Variants in SLCO5A1 observed in about 807,000 individuals in gnomAD.
SLCO5A1 encodes organic anion transporter polypeptide-related protein 4.
A neutral mutation model predicts 65.1 loss-of-function variants in SLCO5A1; 39 were observed. The ratio of observed to expected loss-of-function variants is 0.60; its 90% confidence interval spans 0.46 to 0.78. The LOEUF is 0.78. Ranked by LOEUF, SLCO5A1 falls within the 30% of genes least tolerant of loss-of-function variation. SLCO5A1 has a pLI of 0.00. For missense variants in SLCO5A1, 1,029 were observed against 1,069.4 expected, an observed-to-expected ratio of 0.96 and a Z score of 0.53; for synonymous variants, 438 against 415.7, an observed-to-expected ratio of 1.05 and a Z score of -0.65.
At chr8:69,799,241 T>C (rs1276344487) in intron 2 of SLCO5A1, among the ~76,000 whole-genome samples, 3 of 152,212 alleles carry the variant, frequency 2.0e-5, no homozygotes, top group Non-Finnish European at 4.4e-5. Context: ...AAAAGAATTC[T>C]CATCTGGTAC....
At chr8:69,801,171 C>T (rs2130903081) in intron 2 of SLCO5A1, among the ~76,000 whole-genome samples, 1 of 152,292 alleles carries the variant, frequency 6.6e-6, no homozygotes, top group African/African-American at 2.4e-5. Flanking sequence ...ATCCTAAGTC[C>T]TCAGAACCCT....
intron 5 of SLCO5A1, among the ~76,000 whole-genome samples, chr8:69,736,255 C>T (rs564754142): frequency 6.6e-5 from 10 of 152,356 alleles, no homozygotes; most frequent in African/African-American, 2.2e-4. Flanking sequence ...AGTCTGCAGC[C>T]GTCACCCCAG....
intron 2 of SLCO5A1, among the ~76,000 whole-genome samples, chr8:69,787,591 A>G (rs1819087757): frequency 6.6e-6 from 1 of 152,240 alleles, no homozygotes; most frequent in Non-Finnish European, 1.5e-5. Flanking sequence ...CTGGAATGGC[A>G]TTCCAAAATC....
chr8:69,674,767 T>A (rs1211576600), intron 9 of SLCO5A1, among the ~76,000 whole-genome samples: 1 of 150,296 alleles, frequency 6.7e-6, no homozygotes, highest in Non-Finnish European at 1.5e-5. Flanking sequence ...ACATCTGTAA[T>A]CCCAGAACTT....
intron 2 of SLCO5A1, among the ~76,000 whole-genome samples, chr8:69,778,240 T>C (rs1416039588): frequency 6.6e-6 from 1 of 151,770 alleles, no homozygotes; most frequent in African/African-American, 2.4e-5. Flanking sequence ...TGTGTGTGTG[T>C]GTGTGTGTGT....
intron 5 of SLCO5A1, among the ~76,000 whole-genome samples, chr8:69,727,676 G>C (rs940839974): frequency 5.9e-5 from 9 of 152,222 alleles, no homozygotes; most frequent in Non-Finnish European, 1.2e-4. Context: ...CATAGCACAG[G>C]CTCCACTGAA....
chr8:69,705,078 T>A lies in SLCO5A1; in HGVS notation c.1575A>T (p.Gly525=). 1 of 1,613,958 alleles carries A rather than the reference T, an allele frequency of 6.2e-7. No homozygotes were observed. ...TGCCCCCTAGATTAATGCTTTCACA[T>A]CCAACAATAAATAGGGTTGAAAAAC... is the stretch of plus-strand genomic sequence containing the variant. ...LLCFSTLFIV[G]CESINLGGIN... is the part of the protein sequence containing the mutation. Residue 525 remains glycine (G), a synonymous_variant, in exon 6 of 10, where the codon GGA becomes GGT. Transcript: ENST00000260126.
chr8:69,776,817 T>A (rs1818579832), intron 2 of SLCO5A1, among the ~76,000 whole-genome samples: 1 of 152,236 alleles, frequency 6.6e-6, no homozygotes, highest in Admixed American at 6.5e-5. Context: ...ATATTCGGCA[T>A]CATTAGTCAT....
intron 6 of SLCO5A1, among the ~76,000 whole-genome samples, chr8:69,690,118 A>G (rs1814187776): frequency 6.6e-6 from 1 of 152,222 alleles, no homozygotes; most frequent in South Asian, 2.1e-4. Flanking sequence ...GCCAGACTAG[A>G]GTCAAGCTCA....
chr8:69,802,592 T>C (rs1418463730), intron 2 of SLCO5A1, among the ~76,000 whole-genome samples: 1 of 152,086 alleles, frequency 6.6e-6, no homozygotes, highest in Non-Finnish European at 1.5e-5. Context: ...ACAGGAATAT[T>C]TGTGTGTGTG....
At chr8:69,768,872 C>T (rs922533249) in intron 2 of SLCO5A1, among the ~76,000 whole-genome samples, 1 of 152,162 alleles carries the variant, frequency 6.6e-6, no homozygotes, top group African/African-American at 2.4e-5. Flanking sequence ...TCTTTCCCTT[C>T]TCTTGCTATT....
At chr8:69,709,079 G>A (rs148559367) in intron 5 of SLCO5A1, among the ~76,000 whole-genome samples, 2 of 152,156 alleles carry the variant, frequency 1.3e-5, no homozygotes, top group South Asian at 2.1e-4. Flanking sequence ...ACCAGACTGC[G>A]ATGGGTTGAG....
chr8:69,699,217 C>A (rs192430319), intron 6 of SLCO5A1, among the ~76,000 whole-genome samples: 22 of 152,252 alleles, frequency 1.4e-4, no homozygotes, highest in Middle Eastern at 3.4e-3. Context: ...AGAAAATGCA[C>A]CAAAGGCTCT....
intron 2 of SLCO5A1, among the ~76,000 whole-genome samples, chr8:69,826,182 A>G (rs1000479227): frequency 3.9e-5 from 6 of 152,158 alleles, no homozygotes; most frequent in Admixed American, 3.9e-4. Context: ...AAACCCTAGA[A>G]GAAAACCTAG....
At position 69,761,752 on chromosome 8, in the gene SLCO5A1, A is replaced by G. The variant is rs750358609; in HGVS notation, c.1031T>C (p.Ile344Thr). The G allele has an allele frequency of 1.2e-5, 19 of 1,613,190 alleles. No individual in the cohort carries two copies. Among genetic ancestry groups the G allele is most frequent in the Non-Finnish European group, 1.5e-5 (18 of 1,179,880 alleles). Residue 344 changes from isoleucine to threonine, a missense_variant, in exon 3 of 10, where the codon ATT (isoleucine) becomes ACT (threonine). Ile to Thr is a moderately conservative substitution (Grantham distance 89, BLOSUM62 -1). This residue lies in a region of SLCO5A1 where 647 missense variants were observed against 647.5 expected (regional missense o/e 1.00). Coordinates refer to ENST00000260126, the MANE Select transcript of SLCO5A1 (RefSeq NM_030958.3). Reference protein sequence around the residue: ...VHLDQNDPRFIGNWWSGFLLC... With the variant: ...VHLDQNDPRFTGNWWSGFLLC... ...AGAAAACAGAACTTACCAGTTTCCA[A>G]TGAAACGAGGGTCATTCTGGTCAAG... is the stretch of plus-strand genomic sequence containing the variant.
chr8:69,732,562 T>A (rs1454265796), intron 5 of SLCO5A1, among the ~76,000 whole-genome samples: 1 of 152,108 alleles, frequency 6.6e-6, no homozygotes, highest in Non-Finnish European at 1.5e-5. Context: ...AATATTTCAG[T>A]AAAAATCACA....
intron 2 of SLCO5A1, among the ~76,000 whole-genome samples, chr8:69,788,054 A>C (rs538013336): frequency 3.4e-4 from 52 of 152,320 alleles, no homozygotes; most frequent in Non-Finnish European, 6.5e-4. Context: ...TAGGATTTTA[A>C]TCTCATTAGA....
intron 2 of SLCO5A1, among the ~76,000 whole-genome samples, chr8:69,784,848 A>AAAGAAAGG (rs1554620836): frequency 1.4e-5 from 2 of 144,066 alleles, no homozygotes; most frequent in African/African-American, 5.1e-5. Flanking sequence ...AGAAAGAAAG[A>AAAGAAAGG]AAGAAAGAAA....
intron 5 of SLCO5A1, among the ~76,000 whole-genome samples, chr8:69,727,986 T>C (rs1816161436): frequency 1.3e-5 from 2 of 152,186 alleles, no homozygotes. Flanking sequence ...GGTTATTTAG[T>C]ATGAAGTGAC....
Sources: gnomAD v4.1 joint callset for allele counts (sites outside exome capture counted in the v4.1 genomes callset) on GRCh38, gnomAD v4.1.1 for gene constraint, gnomAD v4.1.1 regional missense constraint, MANE v1.5 for transcripts, NCBI Gene and HGNC (gene_info 2026-07-23, HGNC 2026-07-21) for gene names.